The following SPEF2 variants were observed in gnomAD, a reference collection of about 807,000 sequenced individuals.
SPEF2 encodes sperm flagella and cilia-associated protein 2.
SPEF2 carries 187 observed loss-of-function variants against 224.6 expected under a neutral mutation model. That is an observed-to-expected ratio of 0.83 (90% CI 0.74 to 0.94). SPEF2 has a LOEUF of 0.94. Ranked by LOEUF, SPEF2 falls within the 40% of genes least tolerant of loss-of-function variation. The probability of loss-of-function intolerance (pLI) is 0.00; values close to 1 mark genes in which losing one functional copy is unlikely to be tolerated. For synonymous variants in SPEF2, 715 were observed against 707.3 expected, an observed-to-expected ratio of 1.01 and a Z score of -0.17; for missense variants, 2,170 against 2,135.6, an observed-to-expected ratio of 1.02 and a Z score of -0.32.
intron 27 of SPEF2, among the ~76,000 whole-genome samples, chr5:35,773,116 C>T (rs771050618): frequency 2.6e-5 from 4 of 152,174 alleles, no homozygotes; most frequent in Admixed American, 6.5e-5. Flanking sequence ...CAGTGCCTCA[C>T]ACCTGTAACC....
intron 24 of SPEF2, among the ~76,000 whole-genome samples, chr5:35,754,789 C>G (rs1332386327): frequency 1.3e-5 from 2 of 152,162 alleles, no homozygotes; most frequent in African/African-American, 4.8e-5. Flanking sequence ...GCTAAAATAA[C>G]AGGAATGAAG....
intron 30 of SPEF2, chr5:35,788,190 C>T: frequency 1.4e-6 from 1 of 702,920 alleles, no homozygotes; most frequent in Non-Finnish European, 2.6e-6. Context: ...GTGAACAGAG[C>T]CACCACCAAA....
At chr5:35,709,528 T>G in intron 19 of SPEF2, 2 of 988,644 alleles carry the variant, frequency 2.0e-6, no homozygotes, top group Non-Finnish European at 1.2e-6. Flanking sequence ...TCCACCAGAA[T>G]AAGGGAACAA....
chr5:35,761,740 A>G (rs1751313543), intron 25 of SPEF2, among the ~76,000 whole-genome samples: 1 of 152,254 alleles, frequency 6.6e-6, no homozygotes, highest in Non-Finnish European at 1.5e-5. Flanking sequence ...AAAAGAGGCC[A>G]AATTTCAATG....
At chr5:35,783,863 T>G (rs1299227893) in intron 30 of SPEF2, among the ~76,000 whole-genome samples, 2 of 152,210 alleles carry the variant, frequency 1.3e-5, no homozygotes, top group African/African-American at 4.8e-5. Flanking sequence ...ACTAGAATAC[T>G]TAGCAATGTT....
At chr5:35,631,532 A>G (rs1439409865) in intron 2 of SPEF2, among the ~76,000 whole-genome samples, 1 of 152,236 alleles carries the variant, frequency 6.6e-6, no homozygotes, top group African/African-American at 2.4e-5. Flanking sequence ...TAACTAATTC[A>G]GGCACTTAAA....
chr5:35,771,674 A>G lies in SPEF2; in HGVS notation c.3867A>G (p.Lys1289=). 1 of 1,612,148 alleles carries G rather than the reference A, an allele frequency of 6.2e-7. No homozygotes were observed. Among genetic ancestry groups the G allele is most frequent in the Non-Finnish European group, 8.5e-7 (1 of 1,179,446 alleles). Residue 1289 remains lysine (K), a synonymous_variant, in exon 27 of 37, where the codon AAA becomes AAG. Coordinates refer to ENST00000356031, the MANE Select transcript of SPEF2 (RefSeq NM_024867.4). The part of the protein sequence containing the change: ...EEKENQPADP[K]EKSPQMGANK... ...AAGAAAACCAGCCAGCAGACCCCAAAGAAAAATCTCCTCAGATGGGTGCAA... is the reference window on the plus strand; with the variant it reads ...AAGAAAACCAGCCAGCAGACCCCAAGGAAAAATCTCCTCAGATGGGTGCAA...
intron 4 of SPEF2, 114 bp from the exon 5 acceptor site, chr5:35,646,553 T>C: frequency 9.9e-7 from 1 of 1,007,888 alleles, no homozygotes; most frequent in Non-Finnish European, 1.4e-6. Flanking sequence ...CTTGGCTAAT[T>C]GCTGGGTTCT....
intron 10 of SPEF2, among the ~76,000 whole-genome samples, chr5:35,674,633 T>C (rs1412383050): frequency 3.3e-5 from 5 of 149,876 alleles, no homozygotes. Context: ...TGGTGTTTGG[T>C]TTTTTATCCT....
chr5:35,695,582 G>C (rs964063081), intron 13 of SPEF2, among the ~76,000 whole-genome samples, 153 bp from the exon 14 acceptor site: 1 of 152,132 alleles, frequency 6.6e-6, no homozygotes, highest in Non-Finnish European at 1.5e-5. Context: ...TAAAAGCTAT[G>C]CTGTGGTGAT....
At chr5:35,726,331 C>T (rs1413431835) in intron 20 of SPEF2, among the ~76,000 whole-genome samples, 2 of 152,104 alleles carry the variant, frequency 1.3e-5, no homozygotes, top group African/African-American at 4.8e-5. Context: ...TAGATAAATT[C>T]ATTTTAAATT....
chr5:35,810,522 G>A (rs1377527087), intron 36 of SPEF2, among the ~76,000 whole-genome samples: 1 of 152,182 alleles, frequency 6.6e-6, no homozygotes, highest in East Asian at 1.9e-4. Flanking sequence ...CATTTCTGAA[G>A]GAGTGTCAGC....
chr5:35,678,749 CA>C (rs909953139), intron 10 of SPEF2: 50 of 152,306 alleles, frequency 3.3e-4, no homozygotes, highest in African/African-American at 1.2e-3. Flanking sequence ...TTCAGCTAAT[CA>C]TCCTCTCTTC....
chr5:35,716,348 A>G (rs1742574815), intron 20 of SPEF2, among the ~76,000 whole-genome samples: 1 of 152,126 alleles, frequency 6.6e-6, no homozygotes, highest in South Asian at 2.1e-4. Context: ...ATTTTACATT[A>G]CTCATCCCTT....
rs1024314435 is a variant in SPEF2, at chr5:35,706,386, G to A, written c.2665+578G>A. On this transcript the variant is annotated intron_variant, in intron 18 of 36. Transcript: ENST00000356031. Reference sequence around the variant, plus strand: ...TTACCCACATAAAACTGCACAGATCGCCTTCCTATTTCATTCAACCAATGA... The same window carrying A: ...TTACCCACATAAAACTGCACAGATCACCTTCCTATTTCATTCAACCAATGA... Among the ~76,000 whole-genome samples the A allele has an allele frequency of 9.2e-5, 14 of 151,670 alleles. 1 individual carries two copies. The highest frequency in any genetic ancestry group is 1.7e-4 in the African/African-American group (7 of 41,424).
At chr5:35,771,350 G>A (rs1223219849) in intron 26 of SPEF2, among the ~76,000 whole-genome samples, 5 of 152,256 alleles carry the variant, frequency 3.3e-5, no homozygotes, top group Admixed American at 6.5e-5. Context: ...GTGAGGAAAC[G>A]TAAGGATGAT....
At chr5:35,798,487 G>A (rs1019559670) in intron 33 of SPEF2, among the ~76,000 whole-genome samples, 1 of 152,238 alleles carries the variant, frequency 6.6e-6, no homozygotes, top group Middle Eastern at 3.4e-3. Context: ...CACGTCATTG[G>A]TCAAACTTAA....
chr5:35,780,256 CT>C (rs146035216), intron 30 of SPEF2, among the ~76,000 whole-genome samples: 2 of 152,164 alleles, frequency 1.3e-5, no homozygotes, highest in East Asian at 3.8e-4. Context: ...TACAATGTTA[CT>C]TTTTAAAAAA....
chr5:35,659,295 C>T (rs1749385204), intron 8 of SPEF2, 88 bp downstream of exon 8: 1 of 1,284,538 alleles, frequency 7.8e-7, no homozygotes, highest in East Asian at 2.5e-5. Context: ...ATTTTGTTGC[C>T]AATCATCTAA....
Sources: gnomAD v4.1 joint callset for allele counts (sites outside exome capture counted in the v4.1 genomes callset) on GRCh38, gnomAD v4.1.1 for gene constraint, MANE v1.5 for transcripts, NCBI Gene and HGNC (gene_info 2026-07-23, HGNC 2026-07-21) for gene names.